Variants in WWOX observed in about 807,000 individuals in gnomAD.
WWOX encodes the protein WW domain-containing oxidoreductase.
Under a neutral mutation model 46.2 loss-of-function variants are expected in WWOX, and 69 were observed. That is an observed-to-expected ratio of 1.49 (90% CI 1.23 to 1.82). The LOEUF is 1.82. WWOX is among the 40% of genes most tolerant of loss of function. WWOX has a pLI of 0.00. For synonymous variants in WWOX, 359 were observed against 202.6 expected, an observed-to-expected ratio of 1.77 and a Z score of -6.56; for missense variants, 919 against 542.6, an observed-to-expected ratio of 1.69 and a Z score of -6.89.
At chr16:78,141,066 C>G (rs2033968472) in intron 4 of WWOX, among the ~76,000 whole-genome samples, 1 of 152,146 alleles carries the variant, frequency 6.6e-6, no homozygotes, top group Non-Finnish European at 1.5e-5. Context: ...GTTCTTTTGC[C>G]TCGTTATCAT....
chr16:78,358,863 G>C (rs998138287), intron 5 of WWOX, among the ~76,000 whole-genome samples: 1 of 58,932 alleles, frequency 1.7e-5, no homozygotes, highest in African/African-American at 6.0e-5. Context: ...ATCACACTGT[G>C]GTCTTTTTTT....
intron 8 of WWOX, among the ~76,000 whole-genome samples, chr16:78,665,970 C>T (rs1318855924): frequency 6.6e-6 from 1 of 151,792 alleles, no homozygotes; most frequent in African/African-American, 2.4e-5. Flanking sequence ...CAGACGTGAG[C>T]CGCTGCGCCT....
intron 8 of WWOX, among the ~76,000 whole-genome samples, chr16:78,675,329 T>C (rs1052105735): frequency 2.6e-5 from 4 of 152,186 alleles, no homozygotes; most frequent in Non-Finnish European, 4.4e-5. Context: ...GTAAGATTAA[T>C]GTAAAGATTT....
intron 8 of WWOX, among the ~76,000 whole-genome samples, chr16:78,827,894 G>A (rs907679655): frequency 3.3e-5 from 5 of 152,296 alleles, no homozygotes; most frequent in South Asian, 4.1e-4. Context: ...TGTTATCTCA[G>A]GATGGGAACC....
At chr16:78,467,905 CAG>C (rs2084118570) in intron 8 of WWOX, among the ~76,000 whole-genome samples, 1 of 151,904 alleles carries the variant, frequency 6.6e-6, no homozygotes, top group Non-Finnish European at 1.5e-5. Flanking sequence ...TGATACTGAT[CAG>C]CCTGGCTTCT....
chr16:79,017,484 G>A (rs1279189948), intron 8 of WWOX: 2 of 142,924 alleles, frequency 1.4e-5, no homozygotes, highest in Admixed American at 1.4e-4. Flanking sequence ...ATTACAGGTA[G>A]GCTAGAGCAC....
chr16:78,710,368 G>A (rs560667955), intron 8 of WWOX, among the ~76,000 whole-genome samples: 4 of 150,278 alleles, frequency 2.7e-5, no homozygotes, highest in African/African-American at 7.3e-5. Flanking sequence ...TTCCCAGTGC[G>A]CACTAACCCT....
intron 8 of WWOX, among the ~76,000 whole-genome samples, chr16:78,554,963 C>G (rs927313029): frequency 1.3e-5 from 2 of 152,114 alleles, no homozygotes; most frequent in Non-Finnish European, 2.9e-5. Context: ...CCACAAAGCA[C>G]TGAGTAAGAA....
At chr16:78,472,809 C>CAAAAAA (rs756666392) in intron 8 of WWOX, among the ~76,000 whole-genome samples, 1 of 50,900 alleles carries the variant, frequency 2.0e-5, no homozygotes, top group Non-Finnish European at 5.7e-5. Flanking sequence ...AACTCCATCT[C>CAAAAAA]AAAAAAAAAA....
chr16:78,159,672 GTTTTTTTT>G lies in WWOX; in HGVS notation c.410-4495_410-4488del, dbSNP rs35468343. 3.4e-4 allele frequency among the ~76,000 whole-genome samples: 19 copies of G among 55,378 alleles called. No homozygotes were observed. In the Admixed American group the frequency reaches 4.0e-3, roughly 12 times the overall value. The allele number at this position is 55,378 out of a possible 152,430, so 36.3% of individuals were successfully genotyped here. On this transcript the variant is annotated intron_variant, in intron 4 of 8. Coordinates refer to ENST00000566780, the MANE Select transcript of WWOX (RefSeq NM_016373.4). ...CCTTTGCTTGTTTTTAAAATCTGTG[GTTTTTTTT>G]TTTTTTTTTTTTTTTGCTATTGGGT...
At chr16:78,929,246 A>G (rs1355737395) in intron 8 of WWOX, among the ~76,000 whole-genome samples, 3 of 138,034 alleles carry the variant, frequency 2.2e-5, no homozygotes, top group African/African-American at 6.0e-5. Context: ...TTATGTTATC[A>G]TACAGTGATT....
chr16:78,287,985 T>A (rs2079797080), intron 5 of WWOX, among the ~76,000 whole-genome samples: 1 of 152,168 alleles, frequency 6.6e-6, no homozygotes, highest in African/African-American at 2.4e-5. Context: ...GAAGCAGTTT[T>A]AGGGACAACA....
At chr16:78,349,512 G>T (rs1412619139) in intron 5 of WWOX, among the ~76,000 whole-genome samples, 1 of 120,580 alleles carries the variant, frequency 8.3e-6, no homozygotes, top group African/African-American at 2.8e-5. Flanking sequence ...TTTAGAAGAA[G>T]CCAGGAGGAG....
intron 6 of WWOX, among the ~76,000 whole-genome samples, chr16:78,388,380 C>G (rs936684969): frequency 2.0e-5 from 3 of 152,158 alleles, no homozygotes; most frequent in African/African-American, 7.2e-5. Flanking sequence ...GGTGCAGTGG[C>G]TTATGCCTGT....
chr16:78,610,336 A>G (rs549088600), intron 8 of WWOX, among the ~76,000 whole-genome samples: 4 of 152,312 alleles, frequency 2.6e-5, no homozygotes, highest in African/African-American at 9.6e-5. Context: ...GGAAAAAAAG[A>G]TTCAATTTCA....
chr16:78,759,021 G>T (rs1260935068), intron 8 of WWOX, among the ~76,000 whole-genome samples: 1 of 151,204 alleles, frequency 6.6e-6, no homozygotes, highest in African/African-American at 2.4e-5. Context: ...CTGATGTCTA[G>T]CAGGAACCTG....
chr16:78,969,467 C>T (rs1401273274), intron 8 of WWOX, among the ~76,000 whole-genome samples: 1 of 151,982 alleles, frequency 6.6e-6, no homozygotes, highest in Non-Finnish European at 1.5e-5. Flanking sequence ...GACAGGGTTT[C>T]ACCGTGTTGG....
At chr16:78,410,529 G>A (rs915200918) in intron 6 of WWOX, among the ~76,000 whole-genome samples, 1 of 152,070 alleles carries the variant, frequency 6.6e-6, no homozygotes, top group African/African-American at 2.4e-5. Flanking sequence ...TCAGCTGGGG[G>A]CTGGGCATGG....
At chr16:79,056,879 C>A (rs956493749) in intron 8 of WWOX, among the ~76,000 whole-genome samples, 3 of 152,340 alleles carry the variant, frequency 2.0e-5, no homozygotes, top group Middle Eastern at 3.4e-3. Context: ...GCCTTTCAGG[C>A]AGGCTGGGCA....
Sources: allele counts gnomAD v4.1 joint callset (sites outside exome capture counted in the v4.1 genomes callset), GRCh38; gene constraint gnomAD v4.1.1; transcripts MANE v1.5; gene names NCBI Gene and HGNC (gene_info 2026-07-23, HGNC 2026-07-21).